Variants in GRAMD1C observed in about 807,000 individuals in gnomAD.
GRAMD1C encodes the protein protein Aster-C.
GRAMD1C carries 89 observed loss-of-function variants against 97.8 expected under a neutral mutation model. The ratio of observed to expected loss-of-function variants is 0.91; its 90% CI spans 0.77 to 1.09. The LOEUF is 1.09. GRAMD1C is among the 50% of genes least tolerant of loss of function. The probability of loss-of-function intolerance (pLI) is 0.00; values close to 1 mark genes in which losing one functional copy is unlikely to be tolerated. For missense variants in GRAMD1C, 740 were observed against 766.4 expected (o/e 0.97, Z 0.41); for synonymous variants, 256 against 267.0 (o/e 0.96, Z 0.40).
intron 10 of GRAMD1C, chr3:113,920,183 C>T: frequency 1.5e-6 from 2 of 1,358,272 alleles, no homozygotes; most frequent in Non-Finnish European, 2.1e-6. Flanking sequence ...GGCATCTGCT[C>T]AACAGCCTGA....
At chr3:113,886,877 G>A (rs1337256255) in intron 6 of GRAMD1C, among the ~76,000 whole-genome samples, 2 of 139,780 alleles carry the variant, frequency 1.4e-5, no homozygotes, top group Non-Finnish European at 3.0e-5. Flanking sequence ...CAACTCCCTG[G>A]TTCAAGGGAT....
chr3:113,833,607 C>T (rs952983544), intron 1 of GRAMD1C, among the ~76,000 whole-genome samples: 1 of 152,048 alleles, frequency 6.6e-6, no homozygotes, highest in African/African-American at 2.4e-5. Flanking sequence ...GATAACAATT[C>T]TTCGAGAATA....
chr3:113,855,872 C>T (rs1934104823), intron 2 of GRAMD1C, among the ~76,000 whole-genome samples: 1 of 151,900 alleles, frequency 6.6e-6, no homozygotes, highest in Non-Finnish European at 1.5e-5. Flanking sequence ...ATTTTCCCCT[C>T]TTATATAGAA....
intron 10 of GRAMD1C, among the ~76,000 whole-genome samples, chr3:113,927,442 C>G (rs1937265689): frequency 6.6e-6 from 1 of 152,126 alleles, no homozygotes; most frequent in Non-Finnish European, 1.5e-5. Flanking sequence ...TACACTCTGC[C>G]CCTCCACTGG....
At chr3:113,885,259 G>C (rs542804949) in intron 6 of GRAMD1C, 3 of 1,258,474 alleles carry the variant, frequency 2.4e-6, no homozygotes, top group Non-Finnish European at 3.4e-6. Context: ...GAGCTGGGCC[G>C]TGGGGGCCTC....
intron 6 of GRAMD1C, chr3:113,897,463 A>G: frequency 3.3e-6 from 3 of 913,730 alleles, no homozygotes; most frequent in Non-Finnish European, 3.9e-6. Flanking sequence ...GGAGTGGCTT[A>G]GGAACCTGTA....
At chr3:113,846,026 G>T (rs940137024) in intron 2 of GRAMD1C, among the ~76,000 whole-genome samples, 9 of 151,776 alleles carry the variant, frequency 5.9e-5, no homozygotes, top group Admixed American at 5.9e-4. Flanking sequence ...TAAAAATAAT[G>T]TCATGTCTAT....
chr3:113,907,624 A>G (rs1278248423), intron 8 of GRAMD1C, among the ~76,000 whole-genome samples: 1 of 152,232 alleles, frequency 6.6e-6, no homozygotes, highest in South Asian at 2.1e-4. Flanking sequence ...TGGAAATAAC[A>G]AAAAGTCAAA....
chr3:113,885,846 A>G, intron 6 of GRAMD1C: 1 of 1,612,040 alleles, frequency 6.2e-7, no homozygotes, highest in Non-Finnish European at 8.5e-7. Context: ...CAGCATTGTG[A>G]TCCTGGATAA....
chr3:113,886,302 C>A (rs1431238642), intron 6 of GRAMD1C, among the ~76,000 whole-genome samples: 2 of 152,170 alleles, frequency 1.3e-5, no homozygotes, highest in Non-Finnish European at 2.9e-5. Flanking sequence ...CCTAGGGGAG[C>A]CGAATCAGTG....
chr3:113,829,081 T>C (rs938417087), intron 1 of GRAMD1C, among the ~76,000 whole-genome samples: 5 of 152,178 alleles, frequency 3.3e-5, no homozygotes, highest in African/African-American at 1.2e-4. Context: ...CTTGCATACA[T>C]ACTTATCTCC....
intron 2 of GRAMD1C, among the ~76,000 whole-genome samples, chr3:113,853,669 A>T (rs1934001436): frequency 6.6e-6 from 1 of 152,224 alleles, no homozygotes; most frequent in South Asian, 2.1e-4. Flanking sequence ...CCTCTCTACC[A>T]CCCTGGATCT....
At chr3:113,873,905 A>G (rs538133553) in intron 3 of GRAMD1C, among the ~76,000 whole-genome samples, 1 of 152,262 alleles carries the variant, frequency 6.6e-6, no homozygotes, top group East Asian at 1.9e-4. Context: ...GGTGGTTTGG[A>G]AAAAAATTTC....
At chr3:113,927,018 ATGG>A (rs924217227) in intron 10 of GRAMD1C, among the ~76,000 whole-genome samples, 1 of 152,134 alleles carries the variant, frequency 6.6e-6, no homozygotes, top group African/African-American at 2.4e-5. Context: ...CCAGGATGGC[ATGG>A]TGGGGTGCTT....
At chr3:113,859,719 C>A (rs1934289735) in intron 2 of GRAMD1C, among the ~76,000 whole-genome samples, 1 of 152,100 alleles carries the variant, frequency 6.6e-6, no homozygotes, top group African/African-American at 2.4e-5. Context: ...CAAAGAAACC[C>A]TCGATCCCCA....
At chr3:113,856,686 C>G (rs575636966) in intron 2 of GRAMD1C, among the ~76,000 whole-genome samples, 1 of 151,986 alleles carries the variant, frequency 6.6e-6, no homozygotes, top group Non-Finnish European at 1.5e-5. Context: ...ATTACAGGCG[C>G]GTGCCACCAT....
chr3:113,928,895 C>CTA (rs998011953), intron 10 of GRAMD1C, among the ~76,000 whole-genome samples: 1 of 152,150 alleles, frequency 6.6e-6, no homozygotes. Context: ...GGGTTGTTTA[C>CTA]ACATGTTAGC....
intron 14 of GRAMD1C, 124 bp downstream of exon 14, chr3:113,936,566 T>A: frequency 1.7e-6 from 1 of 595,892 alleles, no homozygotes; most frequent in South Asian, 2.5e-5. Context: ...TTGGATAATG[T>A]TTATCAAACT....
At chr3:113,915,623 C>A in intron 9 of GRAMD1C, 78 bp from the exon 10 acceptor site, 1 of 1,120,046 alleles carries the variant, frequency 8.9e-7, no homozygotes, top group Non-Finnish European at 1.3e-6. Context: ...AAAAAGAAAA[C>A]CCCACGAAAC....
Sources: gnomAD v4.1 joint callset for allele counts (sites outside exome capture counted in the v4.1 genomes callset) on GRCh38, gnomAD v4.1.1 for gene constraint, MANE v1.5 for transcripts, NCBI Gene and HGNC (gene_info 2026-07-23, HGNC 2026-07-21) for gene names.